TYK2: variants seen among roughly 807,000 people sequenced by gnomAD.
TYK2 encodes non-receptor tyrosine-protein kinase TYK2.
TYK2 carries 65 observed loss-of-function variants against 130.9 expected under a neutral mutation model. That is an observed-to-expected ratio of 0.50 (90% confidence interval 0.41 to 0.61). TYK2 has a LOEUF of 0.61. Ranked by LOEUF, TYK2 falls within the 20% of genes least tolerant of loss-of-function variation. TYK2 has a pLI of 0.00. For synonymous variants in TYK2, 647 were observed against 658.9 expected (o/e 0.98, Z 0.28); for missense variants, 1,378 against 1,610.7 (o/e 0.86, Z 2.47).
chr19:10,373,798 C>T (rs2042009637), intron 3 of TYK2, among the ~76,000 whole-genome samples: 1 of 152,132 alleles, frequency 6.6e-6, no homozygotes. Flanking sequence ...CTTTTGCCTG[C>T]TATGCCCCAA....
At chr19:10,351,482 C>A in intron 23 of TYK2, 2 of 336,726 alleles carry the variant, frequency 5.9e-6, no homozygotes, top group East Asian at 7.4e-5. Flanking sequence ...TGTGAAACTC[C>A]ATCTCAAAAA....
chr19:10,372,507 TGAGA>T (rs2041963311), intron 3 of TYK2, among the ~76,000 whole-genome samples: 1 of 120,756 alleles, frequency 8.3e-6, no homozygotes, highest in African/African-American at 3.3e-5. Flanking sequence ...TTTTTTTTTT[TGAGA>T]CAGCATCTTG....
chr19:10,355,828 G>T (rs1335592530), intron 18 of TYK2, among the ~76,000 whole-genome samples: 2 of 151,826 alleles, frequency 1.3e-5, no homozygotes, highest in Admixed American at 1.3e-4. Context: ...CCGGCGTGGT[G>T]GTGGGCGCCT....
intron 7 of TYK2, 57 bp from the exon 8 acceptor site, chr19:10,365,105 C>T (rs2041598975): frequency 1.3e-6 from 2 of 1,506,882 alleles, no homozygotes; most frequent in Non-Finnish European, 1.8e-6. Flanking sequence ...TTTATACCTC[C>T]TGCACTTTCC....
rs34923070 is a variant in TYK2, at chr19:10,367,793, G to A, written c.465+262C>T. 8.4e-3 allele frequency among the ~76,000 whole-genome samples: 1,270 copies of A among 150,614 alleles called. 18 individuals are homozygous for A. The highest frequency in any genetic ancestry group is 0.029 in the African/African-American group (1,182 of 40,976). ...AAATTAGCTGGGCATGGTGGCGGGCGCCTGTAGTCCCAGCTACTTGGGAGG... is the reference window on the plus strand; with the variant it reads ...AAATTAGCTGGGCATGGTGGCGGGCACCTGTAGTCCCAGCTACTTGGGAGG... On this transcript the variant is annotated intron_variant, in intron 5 of 24. Transcript: ENST00000525621.
In TYK2 at chr19:10,368,156, C is replaced by T. The variant is rs1238838283; in HGVS notation, c.364G>A (p.Val122Met). ...GTTCCTGGGGGCCCACAACGGTACACAGCCGGTTCCCGAGGATTCATGCCA... is the reference window on the plus strand; with the variant it reads ...GTTCCTGGGGGCCCACAACGGTACATAGCCGGTTCCCGAGGATTCATGCCA... ...WHGMNPREPAVYRCGPPGTEA... is the reference protein window; with the variant it reads ...WHGMNPREPAMYRCGPPGTEA... The change falls in exon 5 of 25, where the codon GTG (valine) becomes ATG (methionine). Residue 122 changes from valine to methionine, a missense_variant. Val to Met is a conservative substitution (Grantham distance 21, BLOSUM62 1). Transcript: ENST00000525621. 4 of 1,614,024 alleles carry T rather than the reference C, an allele frequency of 2.5e-6. No homozygotes were observed. Among genetic ancestry groups the T allele is most frequent in the African/African-American group, 1.3e-5 (1 of 74,928 alleles).
chr19:10,354,166 C>T lies in TYK2; in HGVS notation c.2784G>A (p.Ala928=). Reference sequence around the variant, plus strand: ...CGCAGTCTGCCTTGAGGGCTTTCACCGCCACCATCTCGCCAGTGCCGTCGT... The same window carrying T: ...CGCAGTCTGCCTTGAGGGCTTTCACTGCCACCATCTCGCCAGTGCCGTCGT... ...PTNDGTGEMV[A]VKALKADCGP... The change falls in exon 20 of 25, where the codon GCG becomes GCA. Residue 928 remains alanine (A), a synonymous_variant. Coordinates refer to ENST00000525621, the MANE Select transcript of TYK2 (RefSeq NM_003331.5). 6.2e-7 allele frequency: 1 copy of T among 1,613,910 alleles called. No individual in the cohort carries two copies. Among genetic ancestry groups the T allele is most frequent in the Non-Finnish European group, 8.5e-7 (1 of 1,180,016 alleles).
chr19:10,365,853 C>A lies in TYK2; in HGVS notation c.675G>T (p.Gln225His), dbSNP rs779772705. Residue 225 changes from glutamine to histidine, a missense_variant, in exon 7 of 25, where the codon CAG (glutamine) becomes CAT (histidine). Physicochemically the swap from Gln to His is conservative, Grantham distance 24. Transcript: ENST00000525621. ...IPRSFRRHIRQHSALTRLRLR... is the reference protein window; with the variant it reads ...IPRSFRRHIRHHSALTRLRLR... ...GGCGCAGCCGGGTCAGGGCGCTGTGCTGCCGGATATGCCGGCGGAAGGAGC... is the reference window on the plus strand; with the variant it reads ...GGCGCAGCCGGGTCAGGGCGCTGTGATGCCGGATATGCCGGCGGAAGGAGC... 4 of 1,612,320 alleles carry A rather than the reference C, an allele frequency of 2.5e-6. No homozygotes were observed. The highest frequency in any genetic ancestry group is 3.3e-4 in the Middle Eastern group (2 of 6,058).
chr19:10,353,101 G>C lies in TYK2; in HGVS notation c.3028-3C>G. On this transcript the variant is annotated splice_region_variant and splice_polypyrimidine_tract_variant and intron_variant, in intron 21 of 24. Transcript: ENST00000525621. The surrounding 1 kb of genome is among the most constrained non-coding windows in gnomAD (Gnocchi z 6.9). ...TGCGCGTGCAGATAGGCCATGCCCT[G>C]GGGACGGGGCAGGGCTCGTGAGTTT... 2 of 1,526,580 alleles carry C rather than the reference G, an allele frequency of 1.3e-6. No individual in the cohort carries two copies. The highest frequency in any genetic ancestry group is 2.7e-5 in the African/African-American group (2 of 72,784). The allele number at this position is 1,526,580 out of a possible 1,614,324, so 94.6% of individuals were successfully genotyped here.
rs934665486 is a variant in TYK2 at position 10,353,282 on chromosome 19, G to C, written c.3028-184C>G. The C allele has an allele frequency of 6.8e-6, 4 of 591,102 alleles. No individual in the cohort carries two copies. Among genetic ancestry groups the C allele is most frequent in the East Asian group, 3.0e-5 (1 of 32,954 alleles). The allele number at this position is 591,102 out of a possible 1,614,324, so 36.6% of individuals were successfully genotyped here. A position where few individuals can be genotyped will look rare whatever the true frequency, so the allele number is the denominator to read the frequency against. On this transcript the variant is annotated intron_variant, in intron 21 of 24. Coordinates refer to ENST00000525621, the MANE Select transcript of TYK2 (RefSeq NM_003331.5). This position sits in a 1 kb window ranked among gnomAD's most constrained non-coding sequence, Gnocchi z 6.9. ...GGAGGCTGAGCCAGAAAGCAGGGACGGGGCTAGACGAGCAAAGCTGGGCAG... is the reference window on the plus strand; with the variant it reads ...GGAGGCTGAGCCAGAAAGCAGGGACCGGGCTAGACGAGCAAAGCTGGGCAG...
Position 10,362,554 on chromosome 19 carries a change from T to C in TYK2, c.1471A>G (p.Ser491Gly). The change falls in exon 10 of 25, where the codon AGC becomes GGC. Residue 491 changes from serine (S) to glycine (G), a missense_variant. Coordinates refer to ENST00000525621, the MANE Select transcript of TYK2 (RefSeq NM_003331.5). ...GCCCCCAGCCCTGGGCTCACCTGGC[T>C]ACGCTGGGCCACTGTGAGGATCAGG... Reference protein sequence around the residue: ...YRLILTVAQRSQAPDGMQSLR... With the variant: ...YRLILTVAQRGQAPDGMQSLR... The C allele has an allele frequency of 6.4e-7, 1 of 1,555,050 alleles. No homozygotes were observed. The highest frequency in any genetic ancestry group is 1.2e-5 in the South Asian group (1 of 84,386).
Position 10,367,747 on chromosome 19 carries a change from C to T in TYK2, c.465+308G>A, listed in dbSNP as rs141536032. 9.3e-3 allele frequency among the ~76,000 whole-genome samples: 1,413 copies of T among 151,916 alleles called. 21 individuals carry two copies. Among genetic ancestry groups the T allele is most frequent in the African/African-American group, 0.032 (1,315 of 41,390 alleles). ...CATCCTAGCTAACACTGTGAAACCC[C>T]GTCTCCACTAAAAATACAAAAAATT... On this transcript the variant is annotated intron_variant, in intron 5 of 24. Coordinates refer to ENST00000525621, the MANE Select transcript of TYK2 (RefSeq NM_003331.5).
chr19:10,353,051 G>A lies in TYK2; in HGVS notation c.3075C>T (p.Ala1025=), dbSNP rs1310934081. The part of the protein sequence containing the change: ...HAQHYIHRDL[A]ARNVLLDNDR... ...CGTTGTCCAGCAGCACGTTGCGCGC[G>A]GCTAGGTCTCGGTGGATGTAGTGCT... The change falls in exon 22 of 25, where the codon GCC becomes GCT. Residue 1025 remains alanine (A), a synonymous_variant. Coordinates refer to ENST00000525621, the MANE Select transcript of TYK2 (RefSeq NM_003331.5). The surrounding 1 kb of genome is among the most constrained non-coding windows in gnomAD (Gnocchi z 6.9). 8.2e-6 allele frequency: 13 copies of A among 1,590,754 alleles called. No individual in the cohort carries two copies. Among genetic ancestry groups the A allele is most frequent in the South Asian group, 1.1e-5 (1 of 89,948 alleles).
At position 10,368,412 on chromosome 19, in the gene TYK2, G is replaced by A. The variant is rs774905892; in HGVS notation, c.200C>T (p.Thr67Ile). The change falls in exon 4 of 25, where the codon ACT (threonine) becomes ATT (isoleucine). Residue 67 changes from threonine (T) to isoleucine (I), a missense_variant. Thr to Ile is a moderately conservative substitution (Grantham distance 89). Transcript: ENST00000525621. The part of the protein sequence containing the change: ...CIHIAHKVGI[T>I]PPCFNLFALF... ...GGCAAAGAGATTGAAGCAAGGAGGA[G>A]TGATACCTGGATCAGGTGAGAAACG... 1.2e-6 allele frequency: 2 copies of A among 1,614,022 alleles called. No homozygotes were observed. The highest frequency in any genetic ancestry group is 2.2e-5 in the East Asian group (1 of 44,892).
At position 10,364,152 on chromosome 19, in the gene TYK2, A is replaced by G. The variant is rs894088231; in HGVS notation, c.1367+462T>C. On this transcript the variant is annotated intron_variant, in intron 9 of 24. Transcript: ENST00000525621. This position sits in a 1 kb window ranked among gnomAD's most constrained non-coding sequence, Gnocchi z 4.9. Reference sequence around the variant, plus strand: ...TCCAACATACGCCTGAATGGTCACCAGCGTCAGGGTAACACACAGTCCCAT... The same window carrying G: ...TCCAACATACGCCTGAATGGTCACCGGCGTCAGGGTAACACACAGTCCCAT... 2.0e-5 allele frequency among the ~76,000 whole-genome samples: 3 copies of G among 152,236 alleles called. No homozygotes were observed. Among genetic ancestry groups the G allele is most frequent in the African/African-American group, 7.2e-5 (3 of 41,460 alleles).
chr19:10,376,969 A>AT lies in TYK2; in HGVS notation c.193+1244dup, dbSNP rs753098822. On this transcript the variant is annotated intron_variant, in intron 3 of 24. Coordinates refer to ENST00000525621, the MANE Select transcript of TYK2 (RefSeq NM_003331.5). ...CAGGCTGGAGTGCAGTGACGAAACC[A>AT]TACCTCATTGCAGGCTTGAACTCCT... 2.2e-4 allele frequency among the ~76,000 whole-genome samples: 34 copies of AT among 151,942 alleles called. 1 individual carries two copies. Among genetic ancestry groups the AT allele is most frequent in the Non-Finnish European group, 1.3e-4 (9 of 67,980 alleles).
At chr19:10,377,582 GGA>G in intron 3 of TYK2, among the ~76,000 whole-genome samples, 1 of 130,614 alleles carries the variant, frequency 7.7e-6, no homozygotes, top group Admixed American at 7.9e-5. Flanking sequence ...GTGGGTGGAT[GGA>G]TGGATGGATG....
chr19:10,372,687 C>T (rs542735211), intron 3 of TYK2, among the ~76,000 whole-genome samples: 5 of 150,090 alleles, frequency 3.3e-5, no homozygotes, highest in South Asian at 4.2e-4. Context: ...GACGGGGTTT[C>T]GCGATGTTGC....
At position 10,361,551 on chromosome 19, in the gene TYK2, G is replaced by T. The variant is rs1478274323; in HGVS notation, c.2007C>A (p.His669Gln). The change falls in exon 14 of 25, where the codon CAC becomes CAA. Residue 669 changes from histidine to glutamine, a missense_variant. Physicochemically the swap from His to Gln is conservative, Grantham distance 24 (BLOSUM62 0). Coordinates refer to ENST00000525621, the MANE Select transcript of TYK2 (RefSeq NM_003331.5). This position sits in a 1 kb window ranked among gnomAD's most constrained non-coding sequence, Gnocchi z 4.0. ...ASLMSQVSHT[H>Q]LAFVHGVCVR... ...CACAGACGCCATGCACGAAGGCCAG[G>T]TGCGTGTGGGAGACCTGGCTCATGA... The T allele has an allele frequency of 6.5e-7, 1 of 1,548,058 alleles. No homozygotes were observed.
Sources: gnomAD v4.1 joint callset for allele counts (sites outside exome capture counted in the v4.1 genomes callset) on GRCh38, gnomAD v4.1.1 for gene constraint, Gnocchi (gnomAD v3.1) non-coding constraint, MANE v1.5 for transcripts, NCBI Gene and HGNC (gene_info 2026-07-23, HGNC 2026-07-21) for gene names.